ZNF526: variants seen among roughly 807,000 people sequenced by gnomAD.
The protein encoded by ZNF526 is zinc finger protein 526.
A neutral mutation model predicts 32.4 loss-of-function variants in ZNF526; 16 were observed. The ratio of observed to expected loss-of-function variants is 0.49; its 90% CI spans 0.33 to 0.75. The LOEUF is 0.75. Ranked by LOEUF, ZNF526 falls within the 30% of genes least tolerant of loss-of-function variation. The pLI, the probability that ZNF526 is intolerant of heterozygous loss-of-function variation, is 0.02. For synonymous variants in ZNF526, 355 were observed against 363.4 expected, an observed-to-expected ratio of 0.98 and a Z score of 0.26; for missense variants, 838 against 920.7, an observed-to-expected ratio of 0.91 and a Z score of 1.16.
chr19:42,220,865 C>T (rs1245588970), intron 1 of ZNF526, among the ~76,000 whole-genome samples: 1 of 152,192 alleles, frequency 6.6e-6, no homozygotes, highest in Non-Finnish European at 1.5e-5. Context: ...AGCTTTGCAG[C>T]AGGCACTGGG....
chr19:42,225,443 T>C lies in ZNF526; in HGVS notation c.1040T>C (p.Leu347Pro), dbSNP rs200396393. 1.2e-6 allele frequency: 2 copies of C among 1,614,192 alleles called. No homozygotes were observed. The highest frequency in any genetic ancestry group is 1.7e-6 in the Non-Finnish European group (2 of 1,180,034). Residue 347 changes from leucine to proline, a missense_variant, in exon 3 of 3, where the codon CTT becomes CCT. Coordinates refer to ENST00000301215, the MANE Select transcript of ZNF526 (RefSeq NM_133444.3). ...CSKVFKKAAS[L>P]EQHLRLHRGE... Reference sequence around the variant, plus strand: ...AAGGTCTTCAAGAAAGCAGCATCGCTTGAGCAGCACTTGCGGCTGCATCGC... The same window carrying C: ...AAGGTCTTCAAGAAAGCAGCATCGCCTGAGCAGCACTTGCGGCTGCATCGC...
At chr19:42,223,453 A>G (rs375617376) in intron 1 of ZNF526, among the ~76,000 whole-genome samples, 1 of 152,124 alleles carries the variant, frequency 6.6e-6, no homozygotes. Flanking sequence ...TGTCCTGGCT[A>G]ACACGGTGAA....
chr19:42,223,977 ATATATATAT>A, intron 1 of ZNF526, among the ~76,000 whole-genome samples: 2 of 60,084 alleles, frequency 3.3e-5, no homozygotes, highest in African/African-American at 1.5e-4. Flanking sequence ...CTACTAAAAT[ATATATATAT>A]ATATATATAT....
chr19:42,224,901 T>TA lies in ZNF526; in HGVS notation c.499dup (p.Thr167AsnfsTer4). On this transcript the variant is annotated frameshift_variant, in exon 3 of 3. Transcript: ENST00000301215. LOFTEE classifies it high-confidence loss of function. ...ATCGAAAGGCCCAGCACCTTTCTGCTACGGTAGCTGAGCCACCAGTGCCAC... is the reference window on the plus strand; with the variant it reads ...ATCGAAAGGCCCAGCACCTTTCTGCTAACGGTAGCTGAGCCACCAGTGCCAC... 6.2e-7 allele frequency: 1 copy of TA among 1,614,112 alleles called. No homozygotes were observed. Among genetic ancestry groups the TA allele is most frequent in the Non-Finnish European group, 8.5e-7 (1 of 1,180,004 alleles).
Position 42,226,341 on chromosome 19 carries a change from C to G in ZNF526, c.1938C>G (p.Thr646=). 4 of 1,614,206 alleles carry G rather than the reference C, an allele frequency of 2.5e-6. No homozygotes were observed. Among genetic ancestry groups the G allele is most frequent in the Middle Eastern group, 3.3e-4 (2 of 6,062 alleles). Residue 646 remains threonine (T), a synonymous_variant, in exon 3 of 3, where the codon ACC becomes ACG. Transcript: ENST00000301215. The stretch of plus-strand genomic sequence containing the variant: ...CCCAGCCACTGGCGCTTGAGGACAC[C>G]CTGCAGCTGTGCCAGGCTGCACTGG... The part of the protein sequence containing the change: ...ETSQPLALED[T]LQLCQAALGA...
rs562839255 is a variant in ZNF526 at position 42,225,570 on chromosome 19, C to T, written c.1167C>T (p.Arg389=). 4 of 1,609,052 alleles carry T rather than the reference C, an allele frequency of 2.5e-6. No homozygotes were observed. Among genetic ancestry groups the T allele is most frequent in the East Asian group, 4.5e-5 (2 of 44,762 alleles). The change falls in exon 3 of 3, where the codon CGC becomes CGT. Residue 389 remains arginine, a synonymous_variant. Coordinates refer to ENST00000301215, the MANE Select transcript of ZNF526 (RefSeq NM_133444.3). ...RRAHTANPLH[R]CRCGKTFSNM... is the part of the protein sequence containing the mutation. ...CCCACACTGCCAACCCATTGCATCG[C>T]TGTCGTTGCGGCAAGACGTTCAGCA...
rs35211089 is a variant in ZNF526 at position 42,223,974 on chromosome 19, A to AATATATATATATATATAT, written c.-108-229_-108-212dup. 9.8e-4 allele frequency among the ~76,000 whole-genome samples: 108 copies of AATATATATATATATATAT among 110,596 alleles called. 1 individual carries two copies. Among genetic ancestry groups the AATATATATATATATATAT allele is most frequent in the South Asian group, 1.7e-3 (5 of 2,902 alleles). 72.6% of individuals were successfully genotyped at this position (110,596 alleles called of 152,430 possible). A position where few individuals can be genotyped will look rare whatever the true frequency, so the allele number is the denominator to read the frequency against. Reference sequence around the variant, plus strand: ...CATGGTGAAACCTTGTCTCTACTAAAATATATATATATATATATATATATA... The same window carrying AATATATATATATATATAT: ...CATGGTGAAACCTTGTCTCTACTAAAATATATATATATATATATATATATATATATATATATATATATA... On this transcript the variant is annotated intron_variant, in intron 1 of 2. Coordinates refer to ENST00000301215, the MANE Select transcript of ZNF526 (RefSeq NM_133444.3).
At chr19:42,223,844 C>A (rs866753296) in intron 1 of ZNF526, among the ~76,000 whole-genome samples, 2 of 145,766 alleles carry the variant, frequency 1.4e-5, no homozygotes, top group East Asian at 4.0e-4. Context: ...AAAAAGAGGC[C>A]GGGCTGTTGG....
At chr19:42,221,246 C>T (rs1185242114) in intron 1 of ZNF526, among the ~76,000 whole-genome samples, 1 of 152,136 alleles carries the variant, frequency 6.6e-6, no homozygotes, top group Admixed American at 6.5e-5. Flanking sequence ...CTAATTCCAG[C>T]GCTTTGGGAG....
In ZNF526 at chr19:42,224,571, G is replaced by A. The variant is rs749361401; in HGVS notation, c.168G>A (p.Gln56=). 3.1e-6 allele frequency: 5 copies of A among 1,614,254 alleles called. No individual in the cohort carries two copies. The highest frequency in any genetic ancestry group is 4.2e-6 in the Non-Finnish European group (5 of 1,180,052). Reference sequence around the variant, plus strand: ...CATCCCTCTTCTTCCAGCATCACCAGTTCATGTGCTCTGAGTGTGGCAGCC... The same window carrying A: ...CATCCCTCTTCTTCCAGCATCACCAATTCATGTGCTCTGAGTGTGGCAGCC... ...LASSLFFQHH[Q]FMCSECGSLY... Residue 56 remains glutamine (Q), a synonymous_variant, in exon 3 of 3, where the codon CAG becomes CAA. Coordinates refer to ENST00000301215, the MANE Select transcript of ZNF526 (RefSeq NM_133444.3).
intron 1 of ZNF526, among the ~76,000 whole-genome samples, chr19:42,222,093 T>C (rs2036130577): frequency 6.6e-6 from 1 of 151,700 alleles, no homozygotes; most frequent in Admixed American, 6.6e-5. Context: ...TTTTTTTTTT[T>C]TTTTTCCTCC....
Position 42,226,258 on chromosome 19 carries a change from C to T in ZNF526, c.1855C>T (p.Pro619Ser), listed in dbSNP as rs1201625300. The change falls in exon 3 of 3, where the codon CCT becomes TCT. Residue 619 changes from proline (P) to serine (S), a missense_variant. Pro to Ser is a moderately conservative substitution (Grantham distance 74, BLOSUM62 -1). Transcript: ENST00000301215. Reference sequence around the variant, plus strand: ...TCCTGCCCCACCCCCACCTCCAGAGCCTCAACAGACTATCATGTGCACAGA... The same window carrying T: ...TCCTGCCCCACCCCCACCTCCAGAGTCTCAACAGACTATCATGTGCACAGA... ...PSPAPPPPPE[P>S]QQTIMCTELG... is the part of the protein sequence containing the mutation. 1 of 1,613,788 alleles carries T rather than the reference C, an allele frequency of 6.2e-7. No homozygotes were observed. Among genetic ancestry groups the T allele is most frequent in the South Asian group, 1.1e-5 (1 of 91,094 alleles).
At chr19:42,223,368 G>A (rs180862628) in intron 1 of ZNF526, among the ~76,000 whole-genome samples, 92 of 152,316 alleles carry the variant, frequency 6.0e-4, no homozygotes, top group Middle Eastern at 3.4e-3. Flanking sequence ...TTGGCCGGGC[G>A]TGGTGGCTCA....
In ZNF526 at chr19:42,226,759, G is replaced by T; in HGVS notation, c.*343G>T. The T allele has an allele frequency of 2.3e-6, 1 of 432,736 alleles. No homozygotes were observed. The highest frequency in any genetic ancestry group is 4.5e-6 in the Non-Finnish European group (1 of 221,324). The allele number at this position is 432,736 out of a possible 1,614,324, so 26.8% of individuals were successfully genotyped here. A position where few individuals can be genotyped will look rare whatever the true frequency, so the allele number is the denominator to read the frequency against. ...TGAGCACCAAGCTTATGCCAGGTCT[G>T]TGCTGGCCACTCTCATATACCTCTT... On this transcript the variant is annotated 3_prime_UTR_variant, in exon 3 of 3. Coordinates refer to ENST00000301215, the MANE Select transcript of ZNF526 (RefSeq NM_133444.3).
Position 42,224,249 on chromosome 19 carries a change from G to T in ZNF526, c.-74G>T. ...GGGTGTGTGTAGGCTTCAGAGACAT[G>T]GGATCACGGAAGACTGAAGCAGAAA... On this transcript the variant is annotated 5_prime_UTR_variant, in exon 2 of 3. The change abolishes an upstream ATG in the 5' untranslated region. Coordinates refer to ENST00000301215, the MANE Select transcript of ZNF526 (RefSeq NM_133444.3). 1 of 707,516 alleles carries T rather than the reference G, an allele frequency of 1.4e-6. No individual in the cohort carries two copies. Among genetic ancestry groups the T allele is most frequent in the Non-Finnish European group, 2.5e-6 (1 of 397,600 alleles). The allele number at this position is 707,516 out of a possible 1,614,324, so 43.8% of individuals were successfully genotyped here.
chr19:42,225,687 G>GCCCC lies in ZNF526; in HGVS notation c.1287_1288insCCCC (p.Thr430ProfsTer41). On this transcript the variant is annotated frameshift_variant, in exon 3 of 3. Coordinates refer to ENST00000301215, the MANE Select transcript of ZNF526 (RefSeq NM_133444.3). LOFTEE classifies it high-confidence loss of function. ...CAACAGCTCCCCCAGCTCCAGCGGA[G>GCCCC]CCCACCCCTCCACCACCACCCCCTG... 6.2e-7 allele frequency: 1 copy of GCCCC among 1,610,646 alleles called. No individual in the cohort carries two copies. Among genetic ancestry groups the GCCCC allele is most frequent in the Non-Finnish European group, 8.5e-7 (1 of 1,178,352 alleles).
At position 42,226,017 on chromosome 19, in the gene ZNF526, A is replaced by G. The variant is rs1289895009; in HGVS notation, c.1614A>G (p.Thr538=). ...GCCTGGACTGTGGCAAGCGCTTCACACAGAGCTCCAACCTGCAGCAGCACC... is the reference window on the plus strand; with the variant it reads ...GCCTGGACTGTGGCAAGCGCTTCACGCAGAGCTCCAACCTGCAGCAGCACC... ...YQCLDCGKRF[T]QSSNLQQHRR... is the part of the protein sequence containing the mutation. The change falls in exon 3 of 3, where the codon ACA becomes ACG. Residue 538 remains threonine, a synonymous_variant. Coordinates refer to ENST00000301215, the MANE Select transcript of ZNF526 (RefSeq NM_133444.3). 1 of 1,613,400 alleles carries G rather than the reference A, an allele frequency of 6.2e-7. No individual in the cohort carries two copies. Among genetic ancestry groups the G allele is most frequent in the South Asian group, 1.1e-5 (1 of 91,088 alleles).
chr19:42,225,787 C>T lies in ZNF526; in HGVS notation c.1384C>T (p.Arg462Cys), dbSNP rs760348469. Residue 462 changes from arginine to cysteine, a missense_variant, in exon 3 of 3, where the codon CGT (arginine) becomes TGT (cysteine). Coordinates refer to ENST00000301215, the MANE Select transcript of ZNF526 (RefSeq NM_133444.3). ...AGCTTCCCGGCTGTCCCGGCACCGG[C>T]GTGCAGTACACGGGCCCCCTGAACG... ...ASASRLSRHRRAVHGPPERRH... is the reference protein window; with the variant it reads ...ASASRLSRHRCAVHGPPERRH... 22 of 1,613,524 alleles carry T rather than the reference C, an allele frequency of 1.4e-5. No homozygotes were observed. The highest frequency in any genetic ancestry group is 2.7e-5 in the African/African-American group (2 of 74,902).
rs1466075459 is a variant in ZNF526 at position 42,225,523 on chromosome 19, AC to A, written c.1121del (p.Thr374SerfsTer26). 2 of 1,612,574 alleles carry A rather than the reference AC, an allele frequency of 1.2e-6. No individual in the cohort carries two copies. The highest frequency in any genetic ancestry group is 1.7e-6 in the Non-Finnish European group (2 of 1,178,726). ...DCGRGFGTELTLVAHRRAHTA... is the reference protein window; with the variant it reads ...DCGRGFGTELXLVAHRRAHTA... ...TGGCCGCGGCTTTGGCACAGAACTC[AC>A]GTTGGTGGCTCACCGGCGGGCCCAC... On this transcript the variant is annotated frameshift_variant, in exon 3 of 3. Transcript: ENST00000301215. LOFTEE classifies it high-confidence loss of function.
Sources: allele counts gnomAD v4.1 joint callset (sites outside exome capture counted in the v4.1 genomes callset), GRCh38; gene constraint gnomAD v4.1.1; transcripts MANE v1.5; gene names NCBI Gene and HGNC (gene_info 2026-07-23, HGNC 2026-07-21).